Variants in EXOC4 observed in about 807,000 individuals in gnomAD.
EXOC4 encodes exocyst complex component 4.
In EXOC4, 71 loss-of-function variants were observed where a neutral mutation model predicts 107.2. The observed-to-expected ratio is 0.66, with a 90% CI of 0.55 to 0.81. EXOC4 has a LOEUF of 0.81. EXOC4 is among the 30% of genes least tolerant of loss of function. The pLI, the probability that EXOC4 is intolerant of heterozygous loss-of-function variation, is 0.00. For synonymous variants in EXOC4, 456 were observed against 441.2 expected (o/e 1.03, Z -0.42); for missense variants, 1,108 against 1,189.6 (o/e 0.93, Z 1.01).
chr7:133,938,094 G>T (rs1449600060), intron 14 of EXOC4, 25 bp downstream of exon 14: 2 of 1,612,626 alleles, frequency 1.2e-6, no homozygotes, highest in Non-Finnish European at 1.7e-6. Flanking sequence ...GGAAGCTGTT[G>T]TGGGGACAGT....
At chr7:134,057,916 C>T (rs1273449062) in intron 17 of EXOC4, among the ~76,000 whole-genome samples, 11 of 152,120 alleles carry the variant, frequency 7.2e-5, no homozygotes, top group Admixed American at 5.9e-4. Context: ...TAGTTAGTAG[C>T]GAAGAATGAA....
At chr7:133,697,261 T>A (rs1037591072) in intron 10 of EXOC4, among the ~76,000 whole-genome samples, 6 of 152,226 alleles carry the variant, frequency 3.9e-5, no homozygotes, top group East Asian at 1.9e-4. Flanking sequence ...TCTGTTTTTT[T>A]AAATTTTTTG....
intron 10 of EXOC4, among the ~76,000 whole-genome samples, chr7:133,804,073 A>G (rs1188767914): frequency 5.3e-5 from 8 of 152,204 alleles, no homozygotes; most frequent in Non-Finnish European, 1.0e-4. Context: ...TCTAAAAGGC[A>G]ATACTGTCTT....
At chr7:133,297,396 G>A (rs1794543312) in intron 3 of EXOC4, among the ~76,000 whole-genome samples, 1 of 152,132 alleles carries the variant, frequency 6.6e-6, no homozygotes, top group Non-Finnish European at 1.5e-5. Flanking sequence ...GGATTTAATG[G>A]ATTGAAATTA....
intron 17 of EXOC4, among the ~76,000 whole-genome samples, chr7:134,020,840 G>A (rs1345323589): frequency 1.3e-5 from 2 of 152,126 alleles, no homozygotes; most frequent in African/African-American, 4.8e-5. Flanking sequence ...ACAAAAATTA[G>A]CCAGGCACGG....
chr7:133,749,069 T>A (rs1795735862), intron 10 of EXOC4, among the ~76,000 whole-genome samples: 1 of 152,232 alleles, frequency 6.6e-6, no homozygotes, highest in African/African-American at 2.4e-5. Flanking sequence ...CCTGGACAGT[T>A]GCTGCCTGTT....
intron 7 of EXOC4, among the ~76,000 whole-genome samples, chr7:133,456,382 A>G (rs1485289331): frequency 6.6e-6 from 1 of 152,190 alleles, no homozygotes; most frequent in Non-Finnish European, 1.5e-5. Context: ...TGAAAGTGCC[A>G]CAGTATCAGG....
intron 17 of EXOC4, among the ~76,000 whole-genome samples, chr7:134,012,374 T>G (rs1345294869): frequency 6.6e-6 from 1 of 152,016 alleles, no homozygotes; most frequent in Non-Finnish European, 1.5e-5. Flanking sequence ...TGAGATATGG[T>G]CAGATGAGGA....
chr7:134,004,813 A>G, intron 15 of EXOC4, 99 bp from the exon 16 acceptor site: 1 of 976,808 alleles, frequency 1.0e-6, no homozygotes. Context: ...ACATTTATTA[A>G]TGATAATTTA....
chr7:133,801,627 A>C (rs1244352399), intron 10 of EXOC4, among the ~76,000 whole-genome samples: 1 of 152,194 alleles, frequency 6.6e-6, no homozygotes, highest in Non-Finnish European at 1.5e-5. Context: ...TTGTGCTGTT[A>C]GGGGAAATGG....
intron 11 of EXOC4, among the ~76,000 whole-genome samples, chr7:133,872,324 A>G (rs1348667963): frequency 1.3e-5 from 2 of 152,208 alleles, no homozygotes; most frequent in South Asian, 4.1e-4. Flanking sequence ...TCTTCATCCA[A>G]GGCAGAAATG....
rs949412297 is a variant in EXOC4 at position 133,850,640 on chromosome 7, C to A, written c.1734+33096C>A. Among the ~76,000 whole-genome samples, 13 of 150,010 alleles carry A rather than the reference C, an allele frequency of 8.7e-5. No individual in the cohort carries two copies. In the East Asian group the frequency reaches 9.7e-4, roughly 11 times the overall value. On this transcript the variant is annotated intron_variant, in intron 11 of 17. Transcript: ENST00000253861. ...CTTAAAGGTTATCTAGGTTACCCCC[C>A]CACACACACACACACCCATGTCAAA...
rs900948510 is a variant in EXOC4, at chr7:134,050,822, G to GT, written c.2688-13459dup. Among the ~76,000 whole-genome samples, 716 of 149,470 alleles carry GT rather than the reference G, an allele frequency of 4.8e-3. 1 individual carries two copies. The highest frequency in any genetic ancestry group is 9.6e-3 in the East Asian group (49 of 5,104). On this transcript the variant is annotated intron_variant, in intron 17 of 17. Transcript: ENST00000253861. Reference sequence around the variant, plus strand: ...CTGTTAGCACTAGTGAACACACAAGGTTTTTTTTTTATTATTATTAAATAC... The same window carrying GT: ...CTGTTAGCACTAGTGAACACACAAGGTTTTTTTTTTTATTATTATTAAATAC...
chr7:133,823,498 C>T (rs1797574729), intron 11 of EXOC4, among the ~76,000 whole-genome samples: 1 of 151,884 alleles, frequency 6.6e-6, no homozygotes, highest in Non-Finnish European at 1.5e-5. Flanking sequence ...TCAGTTATTG[C>T]TGGCAGAGAG....
At chr7:134,077,582 C>A in the EXOC4 span, among the ~76,000 whole-genome samples, 1 of 152,198 alleles carries the variant, frequency 6.6e-6, no homozygotes, top group Non-Finnish European at 1.5e-5. Flanking sequence ...AGCTGACTCA[C>A]CTCCAAAAAA....
Position 133,356,582 on chromosome 7 carries a change from G to A in EXOC4, c.1007+9G>A. ...GTGGAGAACCAACCAAGGTAGGTGG[G>A]AGTGTATTTTGTATTTTTGACAACT... On this transcript the variant is annotated intron_variant, in intron 6 of 17. Transcript: ENST00000253861. 6.2e-7 allele frequency: 1 copy of A among 1,613,386 alleles called. No homozygotes were observed. Among genetic ancestry groups the A allele is most frequent in the Non-Finnish European group, 8.5e-7 (1 of 1,179,580 alleles).
At chr7:133,442,822 G>A (rs111344260) in intron 7 of EXOC4, among the ~76,000 whole-genome samples, 1 of 152,172 alleles carries the variant, frequency 6.6e-6, no homozygotes, top group African/African-American at 2.4e-5. Context: ...TGTGTTTTGT[G>A]TGACTGAAAG....
chr7:134,086,492 C>T, the EXOC4 span, among the ~76,000 whole-genome samples: 1 of 152,132 alleles, frequency 6.6e-6, no homozygotes, highest in Non-Finnish European at 1.5e-5. Flanking sequence ...TTAATTGAGA[C>T]ACCCTCCTGA....
chr7:133,520,168 A>G (rs1799953911), intron 9 of EXOC4, among the ~76,000 whole-genome samples: 1 of 152,254 alleles, frequency 6.6e-6, no homozygotes, highest in African/African-American at 2.4e-5. Context: ...ATTTAATTGA[A>G]TAATGTTGCC....
Sources: allele counts gnomAD v4.1 joint callset (sites outside exome capture counted in the v4.1 genomes callset), GRCh38; gene constraint gnomAD v4.1.1; transcripts MANE v1.5; gene names NCBI Gene and HGNC (gene_info 2026-07-23, HGNC 2026-07-21).